CDH7: variants seen among roughly 807,000 people sequenced by gnomAD.
CDH7 encodes the protein cadherin 7, also known as cadherin-7.
CDH7 carries 25 observed loss-of-function variants against 71.8 expected under a neutral mutation model. The observed-to-expected ratio is 0.35, with a 90% confidence interval of 0.25 to 0.49. The LOEUF (loss-of-function observed/expected upper bound fraction) is 0.49. Among genes scored for constraint, CDH7 ranks in the 20% least tolerant of loss-of-function variants. The pLI, the probability that CDH7 is intolerant of heterozygous loss-of-function variation, is 0.99. For missense variants in CDH7, 862 were observed against 974.6 expected (o/e 0.88, Z 1.54); for synonymous variants, 381 against 363.8 (o/e 1.05, Z -0.54).
In CDH7 at chr18:65,886,816, A is replaced by T. The variant is rs745631701; in HGVS notation, c.*5922A>T. The T allele has an allele frequency of 6.6e-6, 1 of 152,176 alleles. No individual in the cohort carries two copies. Among genetic ancestry groups the T allele is most frequent in the Admixed American group, 6.5e-5 (1 of 15,280 alleles). 9.4% of individuals were successfully genotyped at this position (152,176 alleles called of 1,614,324 possible). On this transcript the variant is annotated 3_prime_UTR_variant, in exon 12 of 12. Coordinates refer to ENST00000397968, the MANE Select transcript of CDH7 (RefSeq NM_004361.5). ...AATGCAATGCACTCTTGATGACTCA[A>T]ACTCACTTATATCTTACAACAGCTC...
intron 2 of CDH7, among the ~76,000 whole-genome samples, chr18:65,809,242 G>A (rs925786345): frequency 6.6e-6 from 1 of 152,126 alleles, no homozygotes; most frequent in African/African-American, 2.4e-5. Flanking sequence ...AGGAGGGAGA[G>A]AAGGGCACCC....
chr18:65,798,964 A>C (rs1599014081), intron 2 of CDH7, among the ~76,000 whole-genome samples: 1 of 152,236 alleles, frequency 6.6e-6, no homozygotes, highest in South Asian at 2.1e-4. Context: ...TGGTAAGTTC[A>C]GGAAACAGTT....
At chr18:65,844,822 T>C (rs1358549273) in intron 7 of CDH7, among the ~76,000 whole-genome samples, 2 of 152,088 alleles carry the variant, frequency 1.3e-5, no homozygotes, top group Non-Finnish European at 2.9e-5. Context: ...AAAATGTCTG[T>C]TGTATTATAT....
intron 2 of CDH7, among the ~76,000 whole-genome samples, chr18:65,790,094 G>A (rs1360436123): frequency 1.3e-5 from 2 of 151,776 alleles, no homozygotes; most frequent in Non-Finnish European, 2.9e-5. Context: ...GCCGGGCATG[G>A]TAGTGGGCGC....
chr18:65,796,544 C>T (rs565814926), intron 2 of CDH7, among the ~76,000 whole-genome samples: 1 of 152,206 alleles, frequency 6.6e-6, no homozygotes, highest in Admixed American at 6.5e-5. Flanking sequence ...GTAGTTTACC[C>T]ACATTTATTT....
rs57594274 is a variant in CDH7, at chr18:65,811,966, C to CTTTTTTTTTTTT, written c.505+1976_505+1987dup. 7.8e-3 allele frequency among the ~76,000 whole-genome samples: 748 copies of CTTTTTTTTTTTT among 95,792 alleles called. 8 individuals carry two copies. Among genetic ancestry groups the CTTTTTTTTTTTT allele is most frequent in the East Asian group, 0.015 (46 of 3,166 alleles). The allele number at this position is 95,792 out of a possible 152,430, so 62.8% of individuals were successfully genotyped here. ...ATCACAGTACCTTTTCTTTTCTTTT[C>CTTTTTTTTTTTT]TTTTTTTTTTTTTTTTTTTGCGAGA... is the stretch of plus-strand genomic sequence containing the variant. On this transcript the variant is annotated intron_variant, in intron 3 of 11. Transcript: ENST00000397968.
chr18:65,762,977 CAAG>C lies in CDH7; in HGVS notation c.136_138del (p.Lys46del). The stretch of plus-strand genomic sequence containing the variant: ...ATTTCCAATCAGGGAGGTCCCGGAC[CAAG>C]CGCAGCTGGGTGTGGAATCAGTTCT... On this transcript the variant is annotated inframe_deletion, in exon 2 of 12. Transcript: ENST00000397968. 6.2e-7 allele frequency: 1 copy of C among 1,613,656 alleles called. No homozygotes were observed. Among genetic ancestry groups the C allele is most frequent in the Non-Finnish European group, 8.5e-7 (1 of 1,179,824 alleles).
intron 1 of CDH7, among the ~76,000 whole-genome samples, chr18:65,758,486 C>T (rs1916098062): frequency 6.6e-6 from 1 of 152,210 alleles, no homozygotes; most frequent in African/African-American, 2.4e-5. Flanking sequence ...GAAACATCCT[C>T]ACTTCAGATC....
At position 65,887,221 on chromosome 18, in the gene CDH7, T is replaced by C. The variant is rs1438067167; in HGVS notation, c.*6327T>C. On this transcript the variant is annotated 3_prime_UTR_variant, in exon 12 of 12. Coordinates refer to ENST00000397968, the MANE Select transcript of CDH7 (RefSeq NM_004361.5). The stretch of plus-strand genomic sequence containing the variant: ...TTTTTGTATATCAAGATCTGGAATA[T>C]GTTGTATACTGTATATGACCAATAC... The C allele has an allele frequency of 6.6e-6, 1 of 152,172 alleles. No homozygotes were observed. The highest frequency in any genetic ancestry group is 1.5e-5 in the Non-Finnish European group (1 of 68,028). The allele number at this position is 152,172 out of a possible 1,614,324, so 9.4% of individuals were successfully genotyped here.
rs1349370762 is a variant in CDH7 at position 65,769,983 on chromosome 18, A to T, written c.210+6931A>T. 2.0e-5 allele frequency among the ~76,000 whole-genome samples: 3 copies of T among 152,156 alleles called. No homozygotes were observed. The East Asian group carries it at 5.8e-4, about 29-fold the overall frequency. On this transcript the variant is annotated intron_variant, in intron 2 of 11. Coordinates refer to ENST00000397968, the MANE Select transcript of CDH7 (RefSeq NM_004361.5). Reference sequence around the variant, plus strand: ...TGAAAGCTCTAAAATCTTGAAAGAGATATAAAATAACCTAAACTCTCATTA... The same window carrying T: ...TGAAAGCTCTAAAATCTTGAAAGAGTTATAAAATAACCTAAACTCTCATTA...
intron 1 of CDH7, among the ~76,000 whole-genome samples, chr18:65,760,302 AC>A (rs1332717024): frequency 6.6e-6 from 1 of 152,188 alleles, no homozygotes; most frequent in Admixed American, 6.5e-5. Context: ...TTAGAATTTA[AC>A]TTATTCAAGA....
rs1379927202 is a variant in CDH7, at chr18:65,780,022, A to T, written c.210+16970A>T. Among the ~76,000 whole-genome samples, 2 of 110,460 alleles carry T rather than the reference A, an allele frequency of 1.8e-5. 1 individual carries two copies. The highest frequency in any genetic ancestry group is 3.4e-5 in the Non-Finnish European group (2 of 59,532). 72.5% of individuals were successfully genotyped at this position (110,460 alleles called of 152,430 possible). On this transcript the variant is annotated intron_variant, in intron 2 of 11. Coordinates refer to ENST00000397968, the MANE Select transcript of CDH7 (RefSeq NM_004361.5). The stretch of plus-strand genomic sequence containing the variant: ...TAACTGGTGTGAGATTATATCTCAT[A>T]GTGGTTTTGATTTGCATCTCTCTGA...
intron 2 of CDH7, among the ~76,000 whole-genome samples, chr18:65,792,434 G>A (rs965356288): frequency 6.6e-6 from 1 of 152,008 alleles, no homozygotes. Context: ...TGCAGGTGAG[G>A]CAGCAGGCAA....
intron 2 of CDH7, among the ~76,000 whole-genome samples, chr18:65,781,109 G>A (rs1489118528): frequency 2.0e-5 from 3 of 152,008 alleles, no homozygotes; most frequent in Non-Finnish European, 4.4e-5. Flanking sequence ...GGAATAGGAA[G>A]AATTGCATCT....
chr18:65,774,173 G>A (rs887465362), intron 2 of CDH7, among the ~76,000 whole-genome samples: 1 of 151,478 alleles, frequency 6.6e-6, no homozygotes, highest in African/African-American at 2.4e-5. Flanking sequence ...ATTAATACAA[G>A]CCATGATCTT....
chr18:65,857,059 G>A (rs2587421), intron 7 of CDH7, among the ~76,000 whole-genome samples: 21,233 of 150,666 alleles, frequency 0.14, 3,101 homozygotes, highest in African/African-American at 0.37. Flanking sequence ...GGTTGGTGCC[G>A]TCAGAACAAA....
intron 4 of CDH7, 37 bp downstream of exon 4, chr18:65,814,641 A>G: frequency 1.3e-6 from 2 of 1,574,482 alleles, no homozygotes; most frequent in Non-Finnish European, 8.6e-7. Flanking sequence ...TAAAGTCATC[A>G]TTTGTTTGCT....
intron 10 of CDH7, among the ~76,000 whole-genome samples, chr18:65,860,899 G>T (rs577064321): frequency 6.6e-6 from 1 of 152,192 alleles, no homozygotes; most frequent in African/African-American, 2.4e-5. Context: ...GAATACTATT[G>T]TGTCCCTTTA....
intron 2 of CDH7, among the ~76,000 whole-genome samples, chr18:65,787,984 A>G (rs1489848880): frequency 6.6e-6 from 1 of 152,198 alleles, no homozygotes; most frequent in Non-Finnish European, 1.5e-5. Context: ...TGATACTAAA[A>G]TCAAGTGTTG....
Sources: allele counts gnomAD v4.1 joint callset (sites outside exome capture counted in the v4.1 genomes callset), GRCh38; gene constraint gnomAD v4.1.1; transcripts MANE v1.5; gene names NCBI Gene and HGNC (gene_info 2026-07-23, HGNC 2026-07-21).